Variants in P2RY8 observed in about 807,000 individuals in gnomAD.
P2RY8 encodes the protein S-geranylgeranyl-glutathione receptor P2RY8.
A neutral mutation model predicts 10.0 loss-of-function variants in P2RY8; 6 were observed. That is an observed-to-expected ratio of 0.60 (90% CI 0.33 to 1.19). The LOEUF (loss-of-function observed/expected upper bound fraction) is 1.19, where lower values mean the gene tolerates loss of function less well. Among genes scored for constraint, P2RY8 ranks in the 50% most tolerant of loss-of-function variants. The pLI is 0.04. For synonymous variants in P2RY8, 276 were observed against 252.5 expected (o/e 1.09, Z -0.88); for missense variants, 456 against 542.0 (o/e 0.84, Z 1.58).
At chrX:1,499,759 C>T (rs1189811120) in intron 1 of P2RY8, among the ~76,000 whole-genome samples, 2 of 151,998 alleles carry the variant, frequency 1.3e-5, no homozygotes, top group South Asian at 2.1e-4. Flanking sequence ...AAAACAGAGC[C>T]GTAAGTAACT....
intron 1 of P2RY8, among the ~76,000 whole-genome samples, chrX:1,516,011 T>A (rs1287483485): frequency 1.3e-5 from 1 of 75,408 alleles, no homozygotes; most frequent in East Asian, 6.1e-4. Flanking sequence ...GGTGAAACCC[T>A]GTCTCTACTA....
chrX:1,467,479 C>T (rs1185535307), intron 1 of P2RY8, among the ~76,000 whole-genome samples: 1 of 152,194 alleles, frequency 6.6e-6, no homozygotes, highest in Non-Finnish European at 1.5e-5. Context: ...GCACCTCCAG[C>T]CACCTATGGC....
At chrX:1,468,760 C>T (rs1184222681) in intron 1 of P2RY8, among the ~76,000 whole-genome samples, 25 of 382 alleles carry the variant, frequency 0.065, no homozygotes, top group African/African-American at 0.21. Context: ...TCCCCTCTCC[C>T]CTCTCCCCTC....
intron 1 of P2RY8, among the ~76,000 whole-genome samples, chrX:1,488,491 C>G (rs1379259394): frequency 6.6e-6 from 1 of 152,148 alleles, no homozygotes; most frequent in East Asian, 1.9e-4. Flanking sequence ...CATGCAGCTC[C>G]TTATGCCTGT....
Position 1,508,842 on chromosome X carries a change from C to G in P2RY8, c.-25+28079G>C, listed in dbSNP as rs1294003534. On this transcript the variant is annotated intron_variant, in intron 1 of 1. Coordinates refer to ENST00000381297, the MANE Select transcript of P2RY8 (RefSeq NM_178129.5). ...CTATGCATCCATCCATCCATCCCTCCATCCATCCATTCATCCATCCATCCA... is the reference window on the plus strand; with the variant it reads ...CTATGCATCCATCCATCCATCCCTCGATCCATCCATTCATCCATCCATCCA... Among the ~76,000 whole-genome samples the G allele has an allele frequency of 3.6e-5, 5 of 139,958 alleles. No individual in the cohort carries two copies. In the East Asian group the frequency reaches 1.0e-3, roughly 29 times the overall value. 91.8% of individuals were successfully genotyped at this position (139,958 alleles called of 152,430 possible).
chrX:1,507,056 C>G (rs112557799), intron 1 of P2RY8, among the ~76,000 whole-genome samples: 3,060 of 30,428 alleles, frequency 0.1, 97 homozygotes, highest in African/African-American at 0.18. Context: ...GAGCTGGCCA[C>G]CAAGAATAAC....
chrX:1,472,386 G>T (rs1373661271), intron 1 of P2RY8, among the ~76,000 whole-genome samples: 1 of 150,462 alleles, frequency 6.6e-6, no homozygotes, highest in Admixed American at 6.6e-5. Flanking sequence ...GTGGGTGGAT[G>T]GATGGGTAGA....
chrX:1,504,301 C>A (rs754568945), intron 1 of P2RY8, among the ~76,000 whole-genome samples: 75 of 133,896 alleles, frequency 5.6e-4, no homozygotes, highest in African/African-American at 2.1e-3. Flanking sequence ...GGGCAACAGA[C>A]CAAGACTCTG....
intron 1 of P2RY8, among the ~76,000 whole-genome samples, chrX:1,487,433 A>G (rs1183223687): frequency 6.6e-6 from 1 of 152,118 alleles, no homozygotes; most frequent in Non-Finnish European, 1.5e-5. Context: ...ATATGGGGAC[A>G]CTGAGGGGCA....
intron 1 of P2RY8, among the ~76,000 whole-genome samples, chrX:1,499,366 A>C (rs1272835974): frequency 5.9e-5 from 9 of 151,862 alleles, no homozygotes; most frequent in Non-Finnish European, 1.3e-4. Context: ...GGGTTTCACC[A>C]TGTTGGCCAG....
At chrX:1,467,838 C>A (rs1290725947) in intron 1 of P2RY8, among the ~76,000 whole-genome samples, 1 of 151,498 alleles carries the variant, frequency 6.6e-6, no homozygotes, top group Non-Finnish European at 1.5e-5. Context: ...ACAACCACGC[C>A]CAGCTAATAT....
In P2RY8 at chrX:1,495,742, A is replaced by G. The variant is rs1192598756; in HGVS notation, c.-24-29160T>C. Among the ~76,000 whole-genome samples, 2 of 113,696 alleles carry G rather than the reference A, an allele frequency of 1.8e-5. 1 individual carries two copies. The highest frequency in any genetic ancestry group is 4.1e-5 in the Non-Finnish European group (2 of 48,758). 74.6% of individuals were successfully genotyped at this position (113,696 alleles called of 152,430 possible). ...GACGGCGTCTCCAAGCCCAGGAGAG[A>G]GGCCTCAGGAGGAACCAGCCCTGCC... is the stretch of plus-strand genomic sequence containing the variant. On this transcript the variant is annotated intron_variant, in intron 1 of 1. Coordinates refer to ENST00000381297, the MANE Select transcript of P2RY8 (RefSeq NM_178129.5).
intron 1 of P2RY8, among the ~76,000 whole-genome samples, chrX:1,506,189 T>C (rs1280926550): frequency 6.6e-6 from 1 of 151,676 alleles, no homozygotes; most frequent in Non-Finnish European, 1.5e-5. Context: ...GACGGGGTTT[T>C]GCCATGTTGG....
intron 1 of P2RY8, among the ~76,000 whole-genome samples, chrX:1,521,944 C>CTTT (rs751056296): frequency 0.012 from 450 of 38,992 alleles, 107 homozygotes; most frequent in African/African-American, 0.038. Context: ...CTCTCGCTCT[C>CTTT]TTTTTTTTTT....
In P2RY8 at chrX:1,524,401, C is replaced by CCATG. The variant is rs1336653222; in HGVS notation, c.-25+12516_-25+12519dup. Reference sequence around the variant, plus strand: ...TCCATCCATCCATCCATCCCTCCATCCATGCATGCATCCATCCATCCATCC... The same window carrying CCATG: ...TCCATCCATCCATCCATCCCTCCATCCATGCATGCATGCATCCATCCATCCATCC... On this transcript the variant is annotated intron_variant, in intron 1 of 1. Transcript: ENST00000381297. Among the ~76,000 whole-genome samples, 467 of 36,910 alleles carry CCATG rather than the reference C, an allele frequency of 0.013. 32 individuals carry two copies. In the East Asian group the frequency reaches 0.14, roughly 11 times the overall value. The allele number at this position is 36,910 out of a possible 152,430, so 24.2% of individuals were successfully genotyped here.
chrX:1,499,742 T>G (rs1376737494), intron 1 of P2RY8, among the ~76,000 whole-genome samples: 1 of 152,126 alleles, frequency 6.6e-6, no homozygotes, highest in Admixed American at 6.6e-5. Flanking sequence ...TTCTAAATGA[T>G]TTCCCCAAAA....
chrX:1,489,725 C>T (rs1244266235), intron 1 of P2RY8, among the ~76,000 whole-genome samples: 5 of 148,128 alleles, frequency 3.4e-5, no homozygotes, highest in South Asian at 4.4e-4. Context: ...CAGATATTCC[C>T]CGCAAATGTG....
chrX:1,492,258 G>A lies in P2RY8; in HGVS notation c.-24-25676C>T, dbSNP rs766782004. On this transcript the variant is annotated intron_variant, in intron 1 of 1. Transcript: ENST00000381297. ...CACCCAAGAGAGGGGTGTGGCCCAA[G>A]CCTGGCCAGTTAGGGGGCCACCCTC... 7.9e-5 allele frequency among the ~76,000 whole-genome samples: 12 copies of A among 152,288 alleles called. No individual in the cohort carries two copies. In the East Asian group the frequency reaches 2.3e-3, roughly 29 times the overall value.
At chrX:1,506,212 C>T (rs1386389959) in intron 1 of P2RY8, among the ~76,000 whole-genome samples, 1 of 151,932 alleles carries the variant, frequency 6.6e-6, no homozygotes, top group Admixed American at 6.6e-5. Context: ...AGGCTGGTCT[C>T]GAACTCCTGA....
Sources: gnomAD v4.1 joint callset for allele counts (sites outside exome capture counted in the v4.1 genomes callset) on GRCh38, gnomAD v4.1.1 for gene constraint, MANE v1.5 for transcripts, NCBI Gene and HGNC (gene_info 2026-07-23, HGNC 2026-07-21) for gene names.